NCKAP5: variants seen among roughly 807,000 people sequenced by gnomAD.
NCKAP5 encodes nck-associated protein 5.
Under a neutral mutation model 167.0 loss-of-function variants are expected in NCKAP5, and 92 were observed. That is an observed-to-expected ratio of 0.55 (90% CI 0.47 to 0.66). The LOEUF (loss-of-function observed/expected upper bound fraction) is 0.66, where lower values mean the gene tolerates loss of function less well. NCKAP5 is among the 30% of genes least tolerant of loss of function. The pLI is 0.00. For missense variants in NCKAP5, 2,378 were observed against 2,315.0 expected, an observed-to-expected ratio of 1.03 and a Z score of -0.56; for synonymous variants, 891 against 877.4, an observed-to-expected ratio of 1.02 and a Z score of -0.27.
chr2:133,110,458 C>G (rs1305321042), intron 6 of NCKAP5, among the ~76,000 whole-genome samples: 2 of 152,070 alleles, frequency 1.3e-5, no homozygotes, highest in African/African-American at 2.4e-5. Context: ...GCAGGGGACA[C>G]TGGGGAGGAG....
chr2:133,135,464 A>G (rs1443076433), intron 5 of NCKAP5, among the ~76,000 whole-genome samples: 1 of 152,184 alleles, frequency 6.6e-6, no homozygotes, highest in Non-Finnish European at 1.5e-5. Flanking sequence ...TTGGGACTGT[A>G]GCCTGGGTAA....
chr2:133,022,552 G>A (rs749546907), intron 6 of NCKAP5, among the ~76,000 whole-genome samples: 9 of 152,118 alleles, frequency 5.9e-5, no homozygotes, highest in Admixed American at 1.3e-4. Flanking sequence ...TTATCAAGTA[G>A]GGAGGTCTGA....
intron 3 of NCKAP5, among the ~76,000 whole-genome samples, chr2:133,366,581 CG>C (rs1184792820): frequency 2.6e-5 from 4 of 152,018 alleles, no homozygotes; most frequent in African/African-American, 9.7e-5. Flanking sequence ...GGATTACAGG[CG>C]TGAGTTACTG....
the NCKAP5 span, among the ~76,000 whole-genome samples, chr2:133,610,073 C>T: frequency 6.6e-6 from 1 of 152,138 alleles, no homozygotes; most frequent in Non-Finnish European, 1.5e-5. Flanking sequence ...TCTTGGGTCT[C>T]CTCCCTCCTC....
At chr2:133,191,782 G>A (rs763006236) in intron 5 of NCKAP5, among the ~76,000 whole-genome samples, 4 of 152,052 alleles carry the variant, frequency 2.6e-5, no homozygotes, top group Non-Finnish European at 5.9e-5. Flanking sequence ...GTTGGGGGGA[G>A]CAGGGAGGGA....
intron 3 of NCKAP5, among the ~76,000 whole-genome samples, chr2:133,468,803 G>A (rs996755706): frequency 2.0e-5 from 3 of 152,274 alleles, no homozygotes; most frequent in South Asian, 2.1e-4. Flanking sequence ...TTGGTTTAAA[G>A]TCTGTTTTAT....
intron 3 of NCKAP5, among the ~76,000 whole-genome samples, chr2:133,495,915 C>A (rs929512342): frequency 1.3e-5 from 2 of 152,224 alleles, no homozygotes; most frequent in Non-Finnish European, 2.9e-5. Context: ...AAACAACACA[C>A]TTGCTTTGAC....
At chr2:133,656,279 A>C in the NCKAP5 span, among the ~76,000 whole-genome samples, 36,319 of 151,946 alleles carry the variant, frequency 0.24, 4,610 homozygotes, top group East Asian at 0.32. Context: ...AAACAAAAAA[A>C]AAAAAAAACC....
chr2:133,664,495 T>C, the NCKAP5 span, among the ~76,000 whole-genome samples: 6 of 152,222 alleles, frequency 3.9e-5, no homozygotes, highest in Admixed American at 2.6e-4. Flanking sequence ...TGAAAATCTG[T>C]TCTTTTTGTT....
chr2:132,875,200 C>T (rs1195121300), intron 9 of NCKAP5, among the ~76,000 whole-genome samples: 1 of 152,154 alleles, frequency 6.6e-6, no homozygotes, highest in African/African-American at 2.4e-5. Flanking sequence ...AGATGGGAAT[C>T]TCTGAGGTGT....
At chr2:133,168,615 A>G (rs1423503136) in intron 5 of NCKAP5, among the ~76,000 whole-genome samples, 1 of 152,058 alleles carries the variant, frequency 6.6e-6, no homozygotes, top group Non-Finnish European at 1.5e-5. Flanking sequence ...ACTGAGTTCA[A>G]TTTGCTGCAA....
the NCKAP5 span, among the ~76,000 whole-genome samples, chr2:133,575,215 C>T: frequency 6.6e-6 from 1 of 152,224 alleles, no homozygotes; most frequent in Admixed American, 6.5e-5. Context: ...TAGGCAGGAG[C>T]CTCTTGGCTC....
chr2:133,455,168 T>C (rs536638396), intron 3 of NCKAP5, among the ~76,000 whole-genome samples: 1 of 152,260 alleles, frequency 6.6e-6, no homozygotes, highest in Non-Finnish European at 1.5e-5. Context: ...TAGTCAAAGA[T>C]GAAAGGCTCC....
chr2:133,029,177 G>A (rs2078796427), intron 6 of NCKAP5, among the ~76,000 whole-genome samples: 1 of 152,180 alleles, frequency 6.6e-6, no homozygotes. Flanking sequence ...TGACAGATGA[G>A]TGACTCTCCC....
At chr2:133,317,265 C>T (rs1394020667) in intron 3 of NCKAP5, among the ~76,000 whole-genome samples, 1 of 152,190 alleles carries the variant, frequency 6.6e-6, no homozygotes, top group East Asian at 1.9e-4. Context: ...ATAAAATCAC[C>T]ATGAAGATGA....
intron 5 of NCKAP5, among the ~76,000 whole-genome samples, chr2:133,211,965 A>G (rs2086229120): frequency 6.6e-6 from 1 of 152,230 alleles, no homozygotes; most frequent in Admixed American, 6.5e-5. Flanking sequence ...AGAGTGAGAA[A>G]GAATTAAAGT....
intron 5 of NCKAP5, among the ~76,000 whole-genome samples, chr2:133,149,336 C>T (rs959275775): frequency 8.5e-5 from 13 of 152,202 alleles, no homozygotes; most frequent in African/African-American, 2.6e-4. Context: ...AGATGTAAAG[C>T]TACATAATGG....
chr2:133,388,572 A>G (rs956715012), intron 3 of NCKAP5, among the ~76,000 whole-genome samples: 2 of 152,222 alleles, frequency 1.3e-5, no homozygotes, highest in South Asian at 4.1e-4. Flanking sequence ...GCTGTCAGAC[A>G]GGGACATTTA....
intron 6 of NCKAP5, among the ~76,000 whole-genome samples, chr2:133,053,629 C>A (rs987365127): frequency 6.6e-6 from 1 of 152,188 alleles, no homozygotes; most frequent in South Asian, 2.1e-4. Context: ...CAGCACTAGT[C>A]TAATCTGTTT....
Sources: allele counts gnomAD v4.1 joint callset (sites outside exome capture counted in the v4.1 genomes callset), GRCh38; gene constraint gnomAD v4.1.1; transcripts MANE v1.5; gene names NCBI Gene and HGNC (gene_info 2026-07-23, HGNC 2026-07-21).